ANTXR1: variants seen among roughly 807,000 people sequenced by gnomAD.
The protein encoded by ANTXR1 is ANTXR cell adhesion molecule 1, also known as anthrax toxin receptor 1.
ANTXR1 carries 19 observed loss-of-function variants against 78.1 expected under a neutral mutation model. That is an observed-to-expected ratio of 0.24 (90% CI 0.17 to 0.36). The LOEUF is 0.36. ANTXR1 is among the 10% of genes least tolerant of loss of function. The probability of loss-of-function intolerance (pLI) is 1.00; values close to 1 mark genes in which losing one functional copy is unlikely to be tolerated. For synonymous variants in ANTXR1, 273 were observed against 260.5 expected, an observed-to-expected ratio of 1.05 and a Z score of -0.46; for missense variants, 518 against 718.6, an observed-to-expected ratio of 0.72 and a Z score of 3.19.
In ANTXR1 at chr2:69,013,668, G is replaced by T. The variant is rs1476787484; in HGVS notation, c.152+17G>T. The T allele has an allele frequency of 6.4e-7, 1 of 1,551,316 alleles. No individual in the cohort carries two copies. On this transcript the variant is annotated intron_variant, in intron 1 of 17. Transcript: ENST00000303714. This position sits in a 1 kb window ranked among gnomAD's most constrained non-coding sequence, Gnocchi z 5.0. Reference sequence around the variant, plus strand: ...TTTGGACAAGTAAGTGCCGCGAGTTGTCCCCCCCACCCCAGGCTAAGCGGG... The same window carrying T: ...TTTGGACAAGTAAGTGCCGCGAGTTTTCCCCCCCACCCCAGGCTAAGCGGG...
chr2:69,124,431 C>T (rs1672462679), intron 11 of ANTXR1, 134 bp from the exon 12 acceptor site: 3 of 796,732 alleles, frequency 3.8e-6, no homozygotes, highest in Admixed American at 3.7e-5. Context: ...TCAGACCCCT[C>T]CTCCCCTGGA....
rs57223047 is a variant in ANTXR1 at position 69,248,211 on chromosome 2, G to GT, written c.*2737dup. On this transcript the variant is annotated 3_prime_UTR_variant, in exon 18 of 18. Coordinates refer to ENST00000303714, the MANE Select transcript of ANTXR1 (RefSeq NM_032208.3). ...CCCCGTGTTATTGTCCTTTTGAACT[G>GT]TTTTTTTTTTTATTAAAGCCAAATT... 4,037 of 158,316 alleles carry GT rather than the reference G, an allele frequency of 0.025. 33 individuals carry two copies. The highest frequency in any genetic ancestry group is 0.031 in the Non-Finnish European group (2,084 of 66,296). 9.8% of individuals were successfully genotyped at this position (158,316 alleles called of 1,614,324 possible). A position where few individuals can be genotyped will look rare whatever the true frequency, so the allele number is the denominator to read the frequency against.
chr2:69,114,618 T>C (rs1290002392), intron 10 of ANTXR1, among the ~76,000 whole-genome samples: 1 of 152,196 alleles, frequency 6.6e-6, no homozygotes, highest in Non-Finnish European at 1.5e-5. Flanking sequence ...GGTATTTGTA[T>C]GTAAGGTGTT....
intron 1 of ANTXR1, among the ~76,000 whole-genome samples, chr2:69,019,968 T>G (rs1428257298): frequency 6.6e-6 from 1 of 152,236 alleles, no homozygotes; most frequent in East Asian, 1.9e-4. Context: ...ATTTGCTTTG[T>G]CTAATTTATC....
At chr2:69,172,605 C>A (rs1256755008) in intron 14 of ANTXR1, 3 of 1,131,702 alleles carry the variant, frequency 2.7e-6, no homozygotes, top group Admixed American at 7.9e-5. Context: ...TTTATCCCAA[C>A]TTTCATCAGC....
At chr2:69,129,115 A>G (rs1446035040) in intron 12 of ANTXR1, among the ~76,000 whole-genome samples, 3 of 152,234 alleles carry the variant, frequency 2.0e-5, no homozygotes, top group Admixed American at 6.5e-5. Context: ...GTCCTCTCTC[A>G]CCAGATATTT....
rs531294089 is a variant in ANTXR1, at chr2:69,190,881, T to C, written c.1354-2454T>C. ...ATGTGTTCCTTCAACAGCCCAGTGT[T>C]CTTCTTTCTGCCCCATCTCATTGCC... On this transcript the variant is annotated intron_variant, in intron 16 of 17. Coordinates refer to ENST00000303714, the MANE Select transcript of ANTXR1 (RefSeq NM_032208.3). Among the ~76,000 whole-genome samples the C allele has an allele frequency of 2.1e-4, 32 of 152,320 alleles. 1 individual carries two copies. The South Asian group carries it at 4.6e-3, about 22-fold the overall frequency.
chr2:69,039,160 G>A (rs1020143645), intron 1 of ANTXR1, among the ~76,000 whole-genome samples: 5 of 152,164 alleles, frequency 3.3e-5, no homozygotes, highest in African/African-American at 9.7e-5. Flanking sequence ...TGATCCTTAG[G>A]TGAAAGGGAG....
chr2:69,013,320 G>T lies in ANTXR1; in HGVS notation c.-180G>T. ...CCCGAAACCCAGAAACAGCATCGGA[G>T]CGGAAACCAGAGGGGAAACCTTGAA... On this transcript the variant is annotated 5_prime_UTR_variant, in exon 1 of 18. Coordinates refer to ENST00000303714, the MANE Select transcript of ANTXR1 (RefSeq NM_032208.3). The surrounding 1 kb of genome is among the most constrained non-coding windows in gnomAD (Gnocchi z 5.0). 1.2e-6 allele frequency: 1 copy of T among 806,108 alleles called. No homozygotes were observed. Among genetic ancestry groups the T allele is most frequent in the South Asian group, 1.7e-5 (1 of 60,512 alleles). The allele number at this position is 806,108 out of a possible 1,614,324, so 49.9% of individuals were successfully genotyped here.
chr2:69,209,180 G>T (rs970859564), intron 17 of ANTXR1, among the ~76,000 whole-genome samples: 1 of 152,154 alleles, frequency 6.6e-6, no homozygotes, highest in Non-Finnish European at 1.5e-5. Context: ...ACATTTATTG[G>T]ATTATCTGAT....
chr2:69,213,511 G>C (rs917420424), intron 17 of ANTXR1, among the ~76,000 whole-genome samples: 1 of 152,222 alleles, frequency 6.6e-6, no homozygotes, highest in Non-Finnish European at 1.5e-5. Flanking sequence ...CAAACAAAAT[G>C]ACACATGTTG....
At chr2:69,238,022 A>G (rs1675812352) in intron 17 of ANTXR1, among the ~76,000 whole-genome samples, 1 of 152,186 alleles carries the variant, frequency 6.6e-6, no homozygotes, top group African/African-American at 2.4e-5. Flanking sequence ...AAGGATCTTT[A>G]TGAAACAGAA....
At chr2:69,218,876 G>A (rs552120551) in intron 17 of ANTXR1, among the ~76,000 whole-genome samples, 181 of 152,250 alleles carry the variant, frequency 1.2e-3, no homozygotes, top group African/African-American at 4.2e-3. Flanking sequence ...GAAGCCTCAA[G>A]GCAGAAGGAG....
In ANTXR1 at chr2:69,247,512, C is replaced by T. The variant is rs993224437; in HGVS notation, c.*2027C>T. 2 of 152,982 alleles carry T rather than the reference C, an allele frequency of 1.3e-5. No individual in the cohort carries two copies. The highest frequency in any genetic ancestry group is 2.4e-5 in the African/African-American group (1 of 41,444). 9.5% of individuals were successfully genotyped at this position (152,982 alleles called of 1,614,324 possible). On this transcript the variant is annotated 3_prime_UTR_variant, in exon 18 of 18. Coordinates refer to ENST00000303714, the MANE Select transcript of ANTXR1 (RefSeq NM_032208.3). ...TTCCAGACTCATGAAAGCAACCCCC[C>T]AGCCTCTCCCCAACCCTGCCGCATT...
intron 5 of ANTXR1, 95 bp downstream of exon 5, chr2:69,071,882 C>A: frequency 9.0e-7 from 1 of 1,114,028 alleles, no homozygotes; most frequent in Non-Finnish European, 1.4e-6. Context: ...TTTCAAAAGA[C>A]ATGTATGATA....
In ANTXR1 at chr2:69,094,274, A is replaced by T. The variant is rs190476802; in HGVS notation, c.703+3355A>T. On this transcript the variant is annotated intron_variant, in intron 9 of 17. Coordinates refer to ENST00000303714, the MANE Select transcript of ANTXR1 (RefSeq NM_032208.3). ...ATGGCTTGTTATCAGCATCATCTTA[A>T]TAAGGATTAAAGGCCAGTGTTAGAA... is the stretch of plus-strand genomic sequence containing the variant. 2.1e-3 allele frequency among the ~76,000 whole-genome samples: 327 copies of T among 152,354 alleles called. 4 individuals carry two copies. The highest frequency in any genetic ancestry group is 4.3e-4 in the Non-Finnish European group (29 of 68,022).
At chr2:69,116,273 G>T (rs746359741) in intron 10 of ANTXR1, among the ~76,000 whole-genome samples, 2 of 152,178 alleles carry the variant, frequency 1.3e-5, no homozygotes, top group Non-Finnish European at 1.5e-5. Context: ...TATCAATGAG[G>T]CAGCCCCAGT....
intron 10 of ANTXR1, among the ~76,000 whole-genome samples, chr2:69,108,772 C>T (rs1465491258): frequency 6.6e-6 from 1 of 152,186 alleles, no homozygotes; most frequent in Non-Finnish European, 1.5e-5. Context: ...CTAGCTCCAA[C>T]CATGTTCCTG....
intron 12 of ANTXR1, among the ~76,000 whole-genome samples, chr2:69,145,158 A>G (rs1444829224): frequency 6.6e-6 from 1 of 152,206 alleles, no homozygotes; most frequent in Non-Finnish European, 1.5e-5. Flanking sequence ...GATGGCAGGC[A>G]GGGGGCCTGT....
Sources: allele counts gnomAD v4.1 joint callset (sites outside exome capture counted in the v4.1 genomes callset), GRCh38; gene constraint gnomAD v4.1.1; non-coding constraint Gnocchi (gnomAD v3.1); transcripts MANE v1.5; gene names NCBI Gene and HGNC (gene_info 2026-07-23, HGNC 2026-07-21).